FOXP1: variants seen among roughly 807,000 people sequenced by gnomAD.
FOXP1 encodes forkhead box P1.
In FOXP1, 15 loss-of-function variants were observed where a neutral mutation model predicts 98.2. That is an observed-to-expected ratio of 0.15 (90% CI 0.10 to 0.24). The LOEUF (loss-of-function observed/expected upper bound fraction) is 0.24. Ranked by LOEUF, FOXP1 falls within the 10% of genes least tolerant of loss-of-function variation. FOXP1 has a pLI of 1.00. For missense variants in FOXP1, 633 were observed against 848.5 expected, an observed-to-expected ratio of 0.75 and a Z score of 3.15; for synonymous variants, 371 against 314.5, an observed-to-expected ratio of 1.18 and a Z score of -1.90.
chr3:71,406,958 G>C (rs1264245225), intron 3 of FOXP1, among the ~76,000 whole-genome samples: 1 of 151,970 alleles, frequency 6.6e-6, no homozygotes, highest in Non-Finnish European at 1.5e-5. Context: ...GCTTATGGAG[G>C]GAAAGAAAGA....
At chr3:71,112,834 G>A (rs184465125) in intron 6 of FOXP1, among the ~76,000 whole-genome samples, 197 bp from the exon 7 acceptor site, 5 of 151,988 alleles carry the variant, frequency 3.3e-5, no homozygotes, top group Admixed American at 6.6e-5. Context: ...CCTTTGACTC[G>A]GCCAGTTTCA....
intron 7 of FOXP1, among the ~76,000 whole-genome samples, chr3:71,064,499 T>A (rs773504074): frequency 6.7e-6 from 1 of 150,114 alleles, no homozygotes; most frequent in Non-Finnish European, 1.5e-5. Flanking sequence ...CCTCCAACTC[T>A]CAACTACACC....
intron 2 of FOXP1, among the ~76,000 whole-genome samples, chr3:71,569,661 A>C (rs2047181092): frequency 1.3e-5 from 2 of 152,130 alleles, no homozygotes; most frequent in Admixed American, 6.6e-5. Flanking sequence ...ATACACATAG[A>C]GAGAGAGAAA....
intron 2 of FOXP1, among the ~76,000 whole-genome samples, chr3:71,533,536 G>C (rs1171570318): frequency 6.6e-6 from 1 of 152,136 alleles, no homozygotes; most frequent in Non-Finnish European, 1.5e-5. Context: ...GTAAGCTCTG[G>C]TAGTTATGTT....
intron 11 of FOXP1, among the ~76,000 whole-genome samples, chr3:71,036,005 A>T (rs2047529508): frequency 6.6e-6 from 1 of 152,214 alleles, no homozygotes; most frequent in South Asian, 2.1e-4. Context: ...GCAACACTAG[A>T]CATGTACATG....
At chr3:71,083,945 T>C (rs996859152) in intron 7 of FOXP1, among the ~76,000 whole-genome samples, 1 of 152,138 alleles carries the variant, frequency 6.6e-6, no homozygotes, top group African/African-American at 2.4e-5. Context: ...GTGTAACACT[T>C]CCAAACAACC....
At chr3:71,009,063 C>T (rs1353393446) in intron 12 of FOXP1, among the ~76,000 whole-genome samples, 1 of 148,240 alleles carries the variant, frequency 6.7e-6, no homozygotes, top group African/African-American at 2.5e-5. Flanking sequence ...AAAGTCACTT[C>T]CTCTCCCTTA....
intron 17 of FOXP1, among the ~76,000 whole-genome samples, chr3:70,973,616 G>A (rs1221989453): frequency 6.6e-6 from 1 of 151,998 alleles, no homozygotes; most frequent in Non-Finnish European, 1.5e-5. Context: ...CTTTAGTCCC[G>A]CCTGGTTAAA....
chr3:71,282,808 A>T (rs1326102321), intron 5 of FOXP1, among the ~76,000 whole-genome samples: 1 of 152,160 alleles, frequency 6.6e-6, no homozygotes, highest in African/African-American at 2.4e-5. Context: ...AATTAACTGA[A>T]AGTATTCAGG....
chr3:71,271,218 G>A (rs1051412887), intron 5 of FOXP1, among the ~76,000 whole-genome samples: 4 of 152,240 alleles, frequency 2.6e-5, no homozygotes, highest in Non-Finnish European at 2.9e-5. Flanking sequence ...TGACAAGATC[G>A]AGACTCTGTC....
chr3:71,282,491 C>T (rs116808276), intron 5 of FOXP1, among the ~76,000 whole-genome samples: 6,116 of 152,108 alleles, frequency 0.04, 163 homozygotes, highest in Non-Finnish European at 0.063. Context: ...TGTTGTGGAG[C>T]CGACATTTAC....
intron 5 of FOXP1, among the ~76,000 whole-genome samples, chr3:71,228,826 G>A (rs1034025165): frequency 2.0e-5 from 3 of 151,974 alleles, no homozygotes; most frequent in South Asian, 4.2e-4. Context: ...TATTCTTTAT[G>A]GTACAAAATG....
intron 2 of FOXP1, among the ~76,000 whole-genome samples, chr3:71,510,334 A>T (rs765923037): frequency 6.8e-6 from 1 of 147,022 alleles, no homozygotes; most frequent in Non-Finnish European, 1.5e-5. Flanking sequence ...AAAATTAGCC[A>T]GGTGTGGTGG....
chr3:71,111,027 A>G (rs1018856943), intron 7 of FOXP1, among the ~76,000 whole-genome samples: 3 of 152,230 alleles, frequency 2.0e-5, no homozygotes, highest in Non-Finnish European at 2.9e-5. Context: ...CTCTCTCTGG[A>G]AAGTGACAGT....
intron 7 of FOXP1, among the ~76,000 whole-genome samples, chr3:71,108,348 A>G (rs1346826125): frequency 6.6e-6 from 1 of 152,252 alleles, no homozygotes; most frequent in Non-Finnish European, 1.5e-5. Context: ...AAAATTGCTC[A>G]TCGACTCACA....
intron 7 of FOXP1, among the ~76,000 whole-genome samples, chr3:71,099,098 A>G (rs986297555): frequency 1.3e-5 from 2 of 152,206 alleles, no homozygotes. Flanking sequence ...GGTTACCCAA[A>G]AGTTGATTAT....
At chr3:71,449,973 C>A (rs2086792446) in intron 3 of FOXP1, among the ~76,000 whole-genome samples, 1 of 152,080 alleles carries the variant, frequency 6.6e-6, no homozygotes, top group African/African-American at 2.4e-5. Flanking sequence ...ATTTCTTTCC[C>A]AACATGTCTA....
chr3:71,261,461 T>C (rs2069130063), intron 5 of FOXP1, among the ~76,000 whole-genome samples: 1 of 152,104 alleles, frequency 6.6e-6, no homozygotes, highest in Non-Finnish European at 1.5e-5. Context: ...AAAACAGACT[T>C]TTATTTCCGA....
At chr3:71,581,484 C>A (rs2107894044) in intron 2 of FOXP1, 65 bp downstream of exon 2, 1 of 985,498 alleles carries the variant, frequency 1.0e-6, no homozygotes, top group Non-Finnish European at 1.2e-6. Flanking sequence ...GGACGGAGAA[C>A]CCCTAGTGCC....
Sources: allele counts gnomAD v4.1 joint callset (sites outside exome capture counted in the v4.1 genomes callset), GRCh38; gene constraint gnomAD v4.1.1; transcripts MANE v1.5; gene names NCBI Gene and HGNC (gene_info 2026-07-23, HGNC 2026-07-21).